Variants in TMEM229B observed in about 807,000 individuals in gnomAD.
TMEM229B encodes the protein transmembrane protein 229B, also known as chromosome 14 open reading frame 83.
A neutral mutation model predicts 13.7 loss-of-function variants in TMEM229B; 6 were observed. That is an observed-to-expected ratio of 0.44 (90% CI 0.24 to 0.86). The LOEUF (loss-of-function observed/expected upper bound fraction) is 0.86. Among genes scored for constraint, TMEM229B ranks in the 40% least tolerant of loss-of-function variants. TMEM229B has a pLI of 0.23. For missense variants in TMEM229B, 170 were observed against 236.0 expected, an observed-to-expected ratio of 0.72 and a Z score of 1.83; for synonymous variants, 107 against 102.1, an observed-to-expected ratio of 1.05 and a Z score of -0.29.
At position 67,473,950 on chromosome 14, in the gene TMEM229B, G is replaced by T. The variant is rs2030982637; in HGVS notation, c.-18-9C>A. 6.3e-6 allele frequency: 10 copies of T among 1,577,154 alleles called. No individual in the cohort carries two copies. In the South Asian group the frequency reaches 1.1e-4, roughly 17 times the overall value. ...GCGCCGACTGGGGCTGGCTGCGGGG[G>T]GCGCAAGAGAGACAGGTGAGGGCCG... On this transcript the variant is annotated splice_polypyrimidine_tract_variant and intron_variant, in intron 2 of 2. Transcript: ENST00000554480. This position sits in a 1 kb window ranked among gnomAD's most constrained non-coding sequence, Gnocchi z 6.5.
intron 1 of TMEM229B, among the ~76,000 whole-genome samples, chr14:67,530,426 A>G (rs185622903): frequency 1.7e-4 from 26 of 152,332 alleles, no homozygotes; most frequent in Admixed American, 9.8e-4. Flanking sequence ...GTGCTGTCCA[A>G]GGAACAAGGC....
chr14:67,529,130 C>T (rs923568450), intron 1 of TMEM229B, among the ~76,000 whole-genome samples: 1 of 152,146 alleles, frequency 6.6e-6, no homozygotes, highest in Admixed American at 6.5e-5. Flanking sequence ...GGCACTGAGG[C>T]AGGCCCTTTA....
chr14:67,476,518 C>T (rs374492269), intron 2 of TMEM229B, among the ~76,000 whole-genome samples: 5 of 152,064 alleles, frequency 3.3e-5, no homozygotes, highest in East Asian at 3.9e-4. Flanking sequence ...ACCCAGGAGG[C>T]GGAGGTTGCA....
At chr14:67,525,152 A>G (rs1048712222) in intron 1 of TMEM229B, among the ~76,000 whole-genome samples, 2 of 152,216 alleles carry the variant, frequency 1.3e-5, no homozygotes, top group African/African-American at 2.4e-5. Context: ...AACTAACAAC[A>G]TTATATCAAA....
chr14:67,492,267 G>T (rs1261210184), upstream of TMEM229B, among the ~76,000 whole-genome samples: 1 of 152,212 alleles, frequency 6.6e-6, no homozygotes, highest in Non-Finnish European at 1.5e-5. Context: ...CTGGACAGCT[G>T]CTGGGCTCTC....
At chr14:67,479,774 C>T (rs546568709) in intron 2 of TMEM229B, among the ~76,000 whole-genome samples, 4 of 152,266 alleles carry the variant, frequency 2.6e-5, no homozygotes, top group South Asian at 4.1e-4. Context: ...ATTCATACCT[C>T]GTGTATAGAA....
chr14:67,483,089 C>T (rs1312771882), intron 2 of TMEM229B, among the ~76,000 whole-genome samples: 2 of 152,134 alleles, frequency 1.3e-5, no homozygotes, highest in African/African-American at 4.8e-5. Flanking sequence ...TGGCTCACTG[C>T]AACCTCTGTC....
intron 1 of TMEM229B, among the ~76,000 whole-genome samples, chr14:67,531,012 G>T (rs2033435449): frequency 6.6e-6 from 1 of 152,190 alleles, no homozygotes; most frequent in African/African-American, 2.4e-5. Flanking sequence ...TCTTTCACAA[G>T]AATGCCCTAG....
At chr14:67,533,131 G>C (rs1035173084) in intron 1 of TMEM229B, among the ~76,000 whole-genome samples, 1 of 152,170 alleles carries the variant, frequency 6.6e-6, no homozygotes, top group Non-Finnish European at 1.5e-5. Flanking sequence ...TTTAAGGAGC[G>C]GGCGGGGAGC....
At chr14:67,522,448 G>A (rs952342855) in intron 1 of TMEM229B, among the ~76,000 whole-genome samples, 1 of 152,190 alleles carries the variant, frequency 6.6e-6, no homozygotes, top group African/African-American at 2.4e-5. Context: ...GTTGAGGCGA[G>A]CCTGGTTATG....
intron 1 of TMEM229B, among the ~76,000 whole-genome samples, chr14:67,513,987 C>T (rs530519372): frequency 4.9e-4 from 75 of 152,162 alleles, no homozygotes; most frequent in Non-Finnish European, 9.1e-4. Flanking sequence ...CTCCCTTGAT[C>T]CCTCTTCCTG....
intron 2 of TMEM229B, among the ~76,000 whole-genome samples, chr14:67,477,877 G>A (rs762937489): frequency 1.2e-4 from 18 of 152,228 alleles, no homozygotes; most frequent in South Asian, 6.2e-4. Context: ...TAGAACCAGC[G>A]GTCTCAAAGT....
intron 1 of TMEM229B, among the ~76,000 whole-genome samples, chr14:67,507,480 G>A (rs547654647): frequency 1.6e-4 from 24 of 152,166 alleles, no homozygotes; most frequent in South Asian, 2.1e-4. Context: ...CCAGGGTCTC[G>A]GTCTTTTGTC....
chr14:67,508,131 A>G (rs1476858997), intron 1 of TMEM229B, among the ~76,000 whole-genome samples: 2 of 95,598 alleles, frequency 2.1e-5, no homozygotes, highest in African/African-American at 6.0e-5. Context: ...GCTAAACTCC[A>G]TCTCAAAAAA....
chr14:67,500,534 G>A (rs966673933), intron 1 of TMEM229B, among the ~76,000 whole-genome samples: 4 of 150,744 alleles, frequency 2.7e-5, no homozygotes, highest in Non-Finnish European at 4.4e-5. Flanking sequence ...TTTATTGTGC[G>A]TTTCTGTGTT....
intron 1 of TMEM229B, among the ~76,000 whole-genome samples, chr14:67,499,448 T>G (rs1029147768): frequency 6.6e-5 from 10 of 152,290 alleles, no homozygotes; most frequent in Non-Finnish European, 1.2e-4. Context: ...TTTTCCAGCA[T>G]AGTGACAATA....
At chr14:67,492,531 G>A (rs2032210302), upstream of TMEM229B, among the ~76,000 whole-genome samples, 1 of 152,208 alleles carries the variant, frequency 6.6e-6, no homozygotes, top group African/African-American at 2.4e-5. Flanking sequence ...TGTCCTTAGG[G>A]TGTCCTGGAG....
intron 1 of TMEM229B, among the ~76,000 whole-genome samples, chr14:67,501,650 T>C (rs2032615770): frequency 6.6e-6 from 1 of 152,188 alleles, no homozygotes; most frequent in African/African-American, 2.4e-5. Flanking sequence ...TGAGGTTCTG[T>C]TATGTTTGAA....
intron 1 of TMEM229B, among the ~76,000 whole-genome samples, chr14:67,508,057 G>T (rs1387959216): frequency 6.6e-6 from 1 of 150,828 alleles, no homozygotes; most frequent in Non-Finnish European, 1.5e-5. Flanking sequence ...AGAATTGCTT[G>T]AACCCGGGAG....
Sources: gnomAD v4.1 joint callset for allele counts (sites outside exome capture counted in the v4.1 genomes callset) on GRCh38, gnomAD v4.1.1 for gene constraint, Gnocchi (gnomAD v3.1) non-coding constraint, MANE v1.5 for transcripts, NCBI Gene and HGNC (gene_info 2026-07-23, HGNC 2026-07-21) for gene names.